The following CCDC93 variants were observed in gnomAD, a reference collection of about 807,000 sequenced individuals.
CCDC93 encodes the protein coiled-coil domain-containing protein 93.
CCDC93 carries 61 observed loss-of-function variants against 108.2 expected under a neutral mutation model. The ratio of observed to expected loss-of-function variants is 0.56; its 90% CI spans 0.46 to 0.70. CCDC93 has a LOEUF of 0.70. CCDC93 is among the 30% of genes least tolerant of loss of function. CCDC93 has a pLI of 0.00. For synonymous variants in CCDC93, 276 were observed against 260.4 expected, an observed-to-expected ratio of 1.06 and a Z score of -0.58; for missense variants, 685 against 764.2, an observed-to-expected ratio of 0.90 and a Z score of 1.22.
chr2:117,944,934 G>A (rs1448885631), intron 17 of CCDC93: 1 of 394,910 alleles, frequency 2.5e-6, no homozygotes, highest in East Asian at 7.2e-5. Context: ...GAGAGCACTG[G>A]TTTAACTCAG....
intron 11 of CCDC93, among the ~76,000 whole-genome samples, chr2:117,960,130 G>T (rs1679339881): frequency 6.6e-6 from 1 of 152,156 alleles, no homozygotes; most frequent in African/African-American, 2.4e-5. Flanking sequence ...ATCCAGCTTA[G>T]ATTCCTTGAC....
chr2:117,948,150 A>T lies in CCDC93; in HGVS notation c.1179T>A (p.Asn393Lys). The change falls in exon 15 of 24, where the codon AAT becomes AAA. Residue 393 changes from asparagine to lysine, a missense_variant. Asn to Lys is a moderately conservative substitution (Grantham distance 94). Coordinates refer to ENST00000376300, the MANE Select transcript of CCDC93 (RefSeq NM_019044.5). ...CCTGTTCTTGACTTTTCAGATTTTC[A>T]TTCATGGCTACAAGTGCTCTCAGGT... ...LQNLRALVAMNENLKSQEQEF... is the reference protein window; with the variant it reads ...LQNLRALVAMKENLKSQEQEF... 1.2e-6 allele frequency: 2 copies of T among 1,613,970 alleles called. No homozygotes were observed. The highest frequency in any genetic ancestry group is 1.7e-6 in the Non-Finnish European group (2 of 1,179,850).
chr2:117,948,106 C>G lies in CCDC93; in HGVS notation c.1223G>C (p.Arg408Pro), dbSNP rs780144445. The change falls in exon 15 of 24, where the codon CGA (arginine) becomes CCA (proline). Residue 408 changes from arginine (R) to proline (P), a missense_variant and splice_region_variant. Arg to Pro is a moderately radical substitution (Grantham distance 103, BLOSUM62 -2). Coordinates refer to ENST00000376300, the MANE Select transcript of CCDC93 (RefSeq NM_019044.5). Reference protein sequence around the residue: ...SQEQEFKAHCREEMTRLQQEI... With the variant: ...SQEQEFKAHCPEEMTRLQQEI... Reference sequence around the variant, plus strand: ...TTGCTGACACCAAACAACACTTACTCGACAATGTGCTTTAAATTCCTGTTC... The same window carrying G: ...TTGCTGACACCAAACAACACTTACTGGACAATGTGCTTTAAATTCCTGTTC... 2 of 1,610,374 alleles carry G rather than the reference C, an allele frequency of 1.2e-6. No individual in the cohort carries two copies. The highest frequency in any genetic ancestry group is 3.3e-5 in the Admixed American group (2 of 59,974).
intron 10 of CCDC93, 26 bp downstream of exon 10, chr2:117,974,824 C>T (rs1159311003): frequency 6.4e-7 from 1 of 1,554,254 alleles, no homozygotes; most frequent in South Asian, 1.2e-5. Context: ...AGTCCCCATC[C>T]CCACACCTCC....
chr2:117,931,093 A>C lies in CCDC93; in HGVS notation c.1786T>G (p.Leu596Val). The change falls in exon 23 of 24, where the codon TTG (leucine) becomes GTG (valine). Residue 596 changes from leucine to valine, a missense_variant. Coordinates refer to ENST00000376300, the MANE Select transcript of CCDC93 (RefSeq NM_019044.5). ...AGCCTCTGCTTTTCTAACAGCTCCA[A>C]GTACTGGTCGTTCAACTGGTCTCTT... ...MRRDQLNDQYLELLEKQRLYF... is the reference protein window; with the variant it reads ...MRRDQLNDQYVELLEKQRLYF... 6.2e-7 allele frequency: 1 copy of C among 1,614,048 alleles called. No individual in the cohort carries two copies. The highest frequency in any genetic ancestry group is 8.5e-7 in the Non-Finnish European group (1 of 1,179,934).
In CCDC93 at chr2:117,920,372, G is replaced by A; in HGVS notation, c.1867C>T (p.Leu623=). 6.2e-7 allele frequency: 1 copy of A among 1,613,152 alleles called. No individual in the cohort carries two copies. The highest frequency in any genetic ancestry group is 8.5e-7 in the Non-Finnish European group (1 of 1,179,272). ...GAGGCCTTCGCTTTCACCTTGGACA[G>A]CAGCATCTCGTTCTTGCGGCCCTCC... The part of the protein sequence containing the change: ...KEEGRKNEML[L]SKVKAKAS The change falls in exon 24 of 24, where the codon CTG becomes TTG. Residue 623 remains leucine (L), a synonymous_variant. Coordinates refer to ENST00000376300, the MANE Select transcript of CCDC93 (RefSeq NM_019044.5).
At chr2:117,986,455 T>C (rs1251648042) in intron 6 of CCDC93, among the ~76,000 whole-genome samples, 2 of 152,138 alleles carry the variant, frequency 1.3e-5, no homozygotes, top group Admixed American at 1.3e-4. Context: ...TGCTCAGGTC[T>C]CCGGGTGCAG....
At chr2:117,962,958 A>G (rs1679442325) in intron 11 of CCDC93, among the ~76,000 whole-genome samples, 1 of 152,210 alleles carries the variant, frequency 6.6e-6, no homozygotes, top group South Asian at 2.1e-4. Flanking sequence ...GCAGTTCTGC[A>G]ATCCTAATTC....
chr2:118,003,665 C>G (rs1311451064), intron 3 of CCDC93, among the ~76,000 whole-genome samples: 1 of 152,156 alleles, frequency 6.6e-6, no homozygotes, highest in Admixed American at 6.5e-5. Flanking sequence ...CCTGGCCACT[C>G]TTCGGAGCCA....
At chr2:118,013,196 C>T (rs532436408) in intron 1 of CCDC93, among the ~76,000 whole-genome samples, 41 of 152,364 alleles carry the variant, frequency 2.7e-4, no homozygotes, top group Admixed American at 1.5e-3. Context: ...CGTGGAAATC[C>T]GCAAACCACT....
chr2:117,975,945 G>A (rs1679930653), intron 8 of CCDC93, among the ~76,000 whole-genome samples: 1 of 152,158 alleles, frequency 6.6e-6, no homozygotes, highest in Admixed American at 6.5e-5. Context: ...AGGCACCCTG[G>A]ATTAACTGCT....
At chr2:117,977,856 G>A in intron 8 of CCDC93, 138 bp downstream of exon 8, 1 of 718,446 alleles carries the variant, frequency 1.4e-6, no homozygotes, top group South Asian at 1.6e-5. Flanking sequence ...CCAGGACGGA[G>A]ATGCAGGGGC....
chr2:117,974,719 C>T (rs1558790575), intron 10 of CCDC93, 131 bp downstream of exon 10: 1 of 672,590 alleles, frequency 1.5e-6, no homozygotes, highest in Non-Finnish European at 2.7e-6. Context: ...AAAAGGAACT[C>T]CCTGGGGAAG....
intron 16 of CCDC93, among the ~76,000 whole-genome samples, chr2:117,945,857 G>A (rs1236671830): frequency 6.6e-6 from 1 of 152,164 alleles, no homozygotes; most frequent in Admixed American, 6.5e-5. Context: ...AACAAGATGT[G>A]CTGAAAAGAG....
intron 6 of CCDC93, among the ~76,000 whole-genome samples, chr2:117,988,104 T>C (rs1201338635): frequency 1.3e-5 from 2 of 151,366 alleles, no homozygotes; most frequent in South Asian, 2.1e-4. Context: ...CTGATACATA[T>C]ATATATATCA....
chr2:118,006,633 A>G, intron 3 of CCDC93, 89 bp downstream of exon 3: 1 of 748,316 alleles, frequency 1.3e-6, no homozygotes, highest in South Asian at 1.5e-5. Context: ...TAAACTATGT[A>G]AAGTGTCCAA....
At chr2:117,954,290 G>C (rs1679151277) in intron 12 of CCDC93, among the ~76,000 whole-genome samples, 1 of 152,144 alleles carries the variant, frequency 6.6e-6, no homozygotes, top group Non-Finnish European at 1.5e-5. Context: ...GGCAGAGCCA[G>C]GCCCAAGGAA....
At chr2:117,976,371 A>C (rs1249791161) in intron 8 of CCDC93, among the ~76,000 whole-genome samples, 1 of 152,160 alleles carries the variant, frequency 6.6e-6, no homozygotes, top group African/African-American at 2.4e-5. Flanking sequence ...TCAAACCCTT[A>C]TTATATACCA....
chr2:117,988,132 TA>T (rs1054977025), intron 6 of CCDC93, among the ~76,000 whole-genome samples: 17 of 151,246 alleles, frequency 1.1e-4, no homozygotes, highest in African/African-American at 3.4e-4. Context: ...ATATATATGA[TA>T]TATGTATTTA....
Sources: gnomAD v4.1 joint callset for allele counts (sites outside exome capture counted in the v4.1 genomes callset) on GRCh38, gnomAD v4.1.1 for gene constraint, MANE v1.5 for transcripts, NCBI Gene and HGNC (gene_info 2026-07-23, HGNC 2026-07-21) for gene names.